The following CNKSR1 variants were observed in gnomAD, a reference collection of about 807,000 sequenced individuals.
CNKSR1 encodes connector enhancer of kinase suppressor of Ras 1, also known as CNK homolog protein 1.
A neutral mutation model predicts 95.6 loss-of-function variants in CNKSR1; 88 were observed. That is an observed-to-expected ratio of 0.92 (90% CI 0.78 to 1.10). CNKSR1 has a LOEUF of 1.10. Ranked by LOEUF, CNKSR1 falls within the 50% of genes least tolerant of loss-of-function variation. The probability of loss-of-function intolerance (pLI) is 0.00; values close to 1 mark genes in which losing one functional copy is unlikely to be tolerated. For missense variants in CNKSR1, 836 were observed against 912.0 expected (o/e 0.92, Z 1.07); for synonymous variants, 355 against 369.7 (o/e 0.96, Z 0.46).
chr1:26,182,026 G>A, intron 4 of CNKSR1, 85 bp downstream of exon 4: 1 of 1,255,502 alleles, frequency 8.0e-7, no homozygotes, highest in South Asian at 1.2e-5. Context: ...ATCAGCCCAG[G>A]ATCGAGTATG....
At chr1:26,185,322 A>T in intron 14 of CNKSR1, 136 bp downstream of exon 14, 1 of 937,794 alleles carries the variant, frequency 1.1e-6, no homozygotes, top group African/African-American at 1.6e-5. Flanking sequence ...GACTTTATTC[A>T]GAGAGAAATG....
intron 14 of CNKSR1, 54 bp from the exon 15 acceptor site, chr1:26,187,113 TG>T: frequency 7.2e-7 from 1 of 1,393,132 alleles, no homozygotes. Flanking sequence ...AGGAGCTGAC[TG>T]GGCCTTGAGG....
chr1:26,183,374 A>T lies in CNKSR1; in HGVS notation c.713A>T (p.Gln238Leu). The change falls in exon 8 of 21, where the codon CAG (glutamine) becomes CTG (leucine). Residue 238 changes from glutamine to leucine, a missense_variant. Transcript: ENST00000361530. ...CCCACTGACTCCCGACTGCAGATCCAGCCTGGAGACGAGGTTGTCCAGATC... is the reference window on the plus strand; with the variant it reads ...CCCACTGACTCCCGACTGCAGATCCTGCCTGGAGACGAGGTTGTCCAGATC... ...QVPTDSRLQIQPGDEVVQINE... is the reference protein window; with the variant it reads ...QVPTDSRLQILPGDEVVQINE... 6.2e-7 allele frequency: 1 copy of T among 1,614,214 alleles called. No individual in the cohort carries two copies. Among genetic ancestry groups the T allele is most frequent in the Non-Finnish European group, 8.5e-7 (1 of 1,180,032 alleles).
At chr1:26,186,570 G>A (rs2088754944) in intron 14 of CNKSR1, among the ~76,000 whole-genome samples, 1 of 152,198 alleles carries the variant, frequency 6.6e-6, no homozygotes, top group Non-Finnish European at 1.5e-5. Context: ...TTCCTCCCAG[G>A]TTCGAGCAAT....
Position 26,180,752 on chromosome 1 carries a change from CAGAG to C in CNKSR1, c.249_252del (p.Glu84AspfsTer12). 6.2e-7 allele frequency: 1 copy of C among 1,614,244 alleles called. No individual in the cohort carries two copies. Among genetic ancestry groups the C allele is most frequent in the Non-Finnish European group, 8.5e-7 (1 of 1,180,040 alleles). ...CAGACAGAGAACCTGCAAAGCCTGA[CAGAG>C]GGACTTCTGGGGGCAACCCATGACT... is the stretch of plus-strand genomic sequence containing the variant. On this transcript the variant is annotated frameshift_variant, in exon 3 of 21. Coordinates refer to ENST00000361530, the MANE Select transcript of CNKSR1 (RefSeq NM_006314.3). LOFTEE classifies it high-confidence loss of function.
Position 26,183,411 on chromosome 1 carries a change from G to T in CNKSR1, c.750G>T (p.Val250=). ...GDEVVQINEQ[V]VVGWPRKNMV... is the part of the protein sequence containing the mutation. Reference sequence around the variant, plus strand: ...AGGTTGTCCAGATCAACGAGCAGGTGGTGGTGCGTGAGGAGAGGGACATGG... The same window carrying T: ...AGGTTGTCCAGATCAACGAGCAGGTTGTGGTGCGTGAGGAGAGGGACATGG... Residue 250 remains valine (V), a synonymous_variant, in exon 8 of 21, where the codon GTG becomes GTT. Coordinates refer to ENST00000361530, the MANE Select transcript of CNKSR1 (RefSeq NM_006314.3). 6.2e-7 allele frequency: 1 copy of T among 1,614,140 alleles called. No homozygotes were observed. Among genetic ancestry groups the T allele is most frequent in the East Asian group, 2.2e-5 (1 of 44,872 alleles).
rs1338750748 is a variant in CNKSR1 at position 26,184,519 on chromosome 1, G to T, written c.1107+12G>T. ...AATCCCCTGACAAGGTAAGCTCAGG[G>T]GCTTAGCAAGGGGGTGGGTGGGTCT... On this transcript the variant is annotated intron_variant, in intron 12 of 20. Transcript: ENST00000361530. 2 of 1,608,112 alleles carry T rather than the reference G, an allele frequency of 1.2e-6. No homozygotes were observed. Among genetic ancestry groups the T allele is most frequent in the South Asian group, 2.2e-5 (2 of 89,958 alleles).
At chr1:26,187,511 C>G (rs779471011) in intron 16 of CNKSR1, 29 bp downstream of exon 16, 5 of 1,609,408 alleles carry the variant, frequency 3.1e-6, no homozygotes, top group South Asian at 1.1e-5. Flanking sequence ...AGCCCCTACT[C>G]TCATATGATT....
rs1161327766 is a variant in CNKSR1 at position 26,184,112 on chromosome 1, A to G, written c.897A>G (p.Pro299=). The change falls in exon 10 of 21, where the codon CCA becomes CCG. Residue 299 remains proline (P), a synonymous_variant. Coordinates refer to ENST00000361530, the MANE Select transcript of CNKSR1 (RefSeq NM_006314.3). ...QVLDSPHQRS[P]SLSLAPLSPR... Reference sequence around the variant, plus strand: ...TGGACTCCCCGCACCAGAGGAGCCCATCACTGTCTCTGGCCCCACTGTCTC... The same window carrying G: ...TGGACTCCCCGCACCAGAGGAGCCCGTCACTGTCTCTGGCCCCACTGTCTC... The G allele has an allele frequency of 1.2e-6, 2 of 1,609,738 alleles. No homozygotes were observed. Among genetic ancestry groups the G allele is most frequent in the South Asian group, 2.2e-5 (2 of 90,810 alleles).
intron 11 of CNKSR1, 29 bp downstream of exon 11, chr1:26,184,316 G>C (rs1198648964): frequency 6.2e-7 from 1 of 1,609,716 alleles, no homozygotes; most frequent in African/African-American, 1.3e-5. Context: ...GGATGCCCCG[G>C]ACACGGCATC....
At chr1:26,184,702 C>T (rs1190186819) in intron 13 of CNKSR1, 90 bp downstream of exon 13, 5 of 1,406,482 alleles carry the variant, frequency 3.6e-6, no homozygotes, top group African/African-American at 2.9e-5. Context: ...CCCCATCCTT[C>T]CCACACAGCC....
chr1:26,184,017 C>T (rs763076370), intron 9 of CNKSR1, 54 bp from the exon 10 acceptor site: 106 of 1,403,078 alleles, frequency 7.6e-5, no homozygotes, highest in Non-Finnish European at 9.8e-5. Context: ...CTGTTGCCCC[C>T]CAACCTGCTT....
chr1:26,181,667 T>G, intron 3 of CNKSR1, 190 bp from the exon 4 acceptor site: 1 of 619,728 alleles, frequency 1.6e-6, no homozygotes, highest in South Asian at 1.8e-5. Flanking sequence ...GGGCTTGGCA[T>G]GTGGTAGGCA....
intron 14 of CNKSR1, among the ~76,000 whole-genome samples, chr1:26,185,491 C>T (rs2088733088): frequency 6.7e-6 from 1 of 149,664 alleles, no homozygotes; most frequent in Non-Finnish European, 1.5e-5. Flanking sequence ...CTTCCGGGTT[C>T]ACGCCATTCT....
intron 19 of CNKSR1, 33 bp downstream of exon 19, chr1:26,188,730 G>A (rs772631776): frequency 6.2e-7 from 1 of 1,612,038 alleles, no homozygotes; most frequent in Admixed American, 1.7e-5. Flanking sequence ...TGGGCTGGGG[G>A]CTGGGGTGGG....
In CNKSR1 at chr1:26,185,051, C is replaced by A. The variant is rs770589477; in HGVS notation, c.1173C>A (p.Cys391Ter). 1.4e-5 allele frequency: 22 copies of A among 1,603,676 alleles called. No homozygotes were observed. Among genetic ancestry groups the A allele is most frequent in the African/African-American group, 6.7e-5 (5 of 74,848 alleles). ...GGCTGAGCCGCCGGCGGGTGTCATG[C>A]CGTGAGCTGGGCCGGCCGGACTGTG... ...ATRLSRRRVS[C>*]RELGRPDCDG... Residue 391 changes from cysteine (C) to a stop codon, truncating the protein, a stop_gained, in exon 14 of 21, where the codon TGC becomes TGA. Coordinates refer to ENST00000361530, the MANE Select transcript of CNKSR1 (RefSeq NM_006314.3). LOFTEE classifies it high-confidence loss of function.
rs929607481 is a variant in CNKSR1 at position 26,183,722 on chromosome 1, C to T, written c.754-7C>T. ...GGTTGATACCAGCCAGTGTTTCTGT[C>T]CCCCAGGTGGGATGGCCCCGTAAGA... is the stretch of plus-strand genomic sequence containing the variant. On this transcript the variant is annotated splice_polypyrimidine_tract_variant and splice_region_variant and intron_variant, in intron 8 of 20. Transcript: ENST00000361530. 1.9e-6 allele frequency: 3 copies of T among 1,601,386 alleles called. No individual in the cohort carries two copies. The highest frequency in any genetic ancestry group is 2.2e-5 in the South Asian group (2 of 90,856).
chr1:26,181,667 T>C, intron 3 of CNKSR1, 190 bp from the exon 4 acceptor site: 1 of 619,728 alleles, frequency 1.6e-6, no homozygotes, highest in Non-Finnish European at 2.9e-6. Flanking sequence ...GGGCTTGGCA[T>C]GTGGTAGGCA....
At position 26,188,900 on chromosome 1, in the gene CNKSR1, C is replaced by T. The variant is rs2088811444; in HGVS notation, c.1819C>T (p.Pro607Ser). The change falls in exon 20 of 21, where the codon CCT (proline) becomes TCT (serine). Residue 607 changes from proline to serine, a missense_variant. Pro to Ser is a moderately conservative substitution (Grantham distance 74). Coordinates refer to ENST00000361530, the MANE Select transcript of CNKSR1 (RefSeq NM_006314.3). ...RSSFMRRNRD[P>S]QLNERVHRVR... is the part of the protein sequence containing the mutation. ...CTCTTTCATGCGGCGCAACCGAGACCCTCAGCTCAATGAGCGAGTGCACCG... is the reference window on the plus strand; with the variant it reads ...CTCTTTCATGCGGCGCAACCGAGACTCTCAGCTCAATGAGCGAGTGCACCG... The T allele has an allele frequency of 6.2e-7, 1 of 1,613,942 alleles. No individual in the cohort carries two copies. The highest frequency in any genetic ancestry group is 1.3e-5 in the African/African-American group (1 of 75,044).
Sources: gnomAD v4.1 joint callset for allele counts (sites outside exome capture counted in the v4.1 genomes callset) on GRCh38, gnomAD v4.1.1 for gene constraint, MANE v1.5 for transcripts, NCBI Gene and HGNC (gene_info 2026-07-23, HGNC 2026-07-21) for gene names.